KRABD2: variants seen among roughly 807,000 people sequenced by gnomAD.
KRABD2 encodes KRAB domain containing 2.
chr17:8,370,191 TC>T, the KRABD2 span: 2 of 1,612,602 alleles, frequency 1.2e-6, no homozygotes, highest in Non-Finnish European at 1.7e-6. Flanking sequence ...TTCTTTAACT[TC>T]CTTTATTGTT....
chr17:8,372,267 TAAC>T, the KRABD2 span, among the ~76,000 whole-genome samples: 8 of 152,236 alleles, frequency 5.3e-5, no homozygotes, highest in Non-Finnish European at 1.2e-4. The surrounding 1 kb of genome is among the most constrained non-coding windows in gnomAD (Gnocchi z 4.1). Flanking sequence ...ACTAACTTAA[TAAC>T]AACTTTCTTT....
At chr17:8,369,305 T>G in the KRABD2 span, 2 of 1,614,164 alleles carry the variant, frequency 1.2e-6, no homozygotes, top group South Asian at 2.2e-5. Context: ...CTAGCTCTTC[T>G]TCCGTTTGTA....
chr17:8,369,757 C>T, the KRABD2 span: 2 of 1,614,152 alleles, frequency 1.2e-6, no homozygotes, highest in Non-Finnish European at 1.7e-6. Flanking sequence ...GTTGAGTGAT[C>T]CTGGTAGTAT....
chr17:8,371,982 G>A, the KRABD2 span: 1 of 986,400 alleles, frequency 1.0e-6, no homozygotes, highest in Non-Finnish European at 1.2e-6. Flanking sequence ...ATGAGGCCAG[G>A]GGAGTTCACA....
the KRABD2 span, among the ~76,000 whole-genome samples, chr17:8,367,981 G>C: frequency 1.4e-5 from 2 of 146,564 alleles, no homozygotes; most frequent in Non-Finnish European, 3.0e-5. Context: ...AAAAAGTCCT[G>C]GTTGGGTGTG....
At chr17:8,364,748 A>T in the KRABD2 span, among the ~76,000 whole-genome samples, 78 of 152,232 alleles carry the variant, frequency 5.1e-4, no homozygotes, top group Non-Finnish European at 6.6e-4. This position sits in a 1 kb window ranked among gnomAD's most constrained non-coding sequence, Gnocchi z 4.4. Context: ...AAAAAAATTT[A>T]AAATGCCGGG....
At chr17:8,369,790 C>A in the KRABD2 span, 5 of 1,614,058 alleles carry the variant, frequency 3.1e-6, no homozygotes, top group Non-Finnish European at 4.2e-6. Flanking sequence ...AACTCACCAT[C>A]GGCACTGGAC....
the KRABD2 span, among the ~76,000 whole-genome samples, chr17:8,367,359 C>T: frequency 3.3e-5 from 5 of 151,904 alleles, no homozygotes; most frequent in South Asian, 8.3e-4. Context: ...TAGCTGGGTT[C>T]GTGGGGGTGC....
At chr17:8,369,288 G>A in the KRABD2 span, 1 of 1,614,094 alleles carries the variant, frequency 6.2e-7, no homozygotes, top group African/African-American at 1.3e-5. Flanking sequence ...CTGTTCTTCA[G>A]CAATTTCTAG....
At chr17:8,359,645 G>C in the KRABD2 span, 2 of 456,038 alleles carry the variant, frequency 4.4e-6, no homozygotes, top group South Asian at 3.1e-5. Context: ...GGATTTCAGA[G>C]AGGCTCTCTT....
the KRABD2 span, chr17:8,376,697 G>C: frequency 3.0e-6 from 3 of 984,296 alleles, no homozygotes; most frequent in Non-Finnish European, 3.6e-6. Context: ...CCCCCGAGCA[G>C]CAACTCCGCC....
the KRABD2 span, among the ~76,000 whole-genome samples, chr17:8,363,800 C>CATACAT: frequency 8.2e-6 from 1 of 121,422 alleles, no homozygotes; most frequent in African/African-American, 3.3e-5. Flanking sequence ...ATATATCATA[C>CATACAT]ATATATATAT....
At chr17:8,365,065 A>G in the KRABD2 span, among the ~76,000 whole-genome samples, 1 of 152,104 alleles carries the variant, frequency 6.6e-6, no homozygotes, top group African/African-American at 2.4e-5. Context: ...CATTATGTGG[A>G]CAAAATACAT....
At chr17:8,368,047 G>A in the KRABD2 span, among the ~76,000 whole-genome samples, 3 of 149,652 alleles carry the variant, frequency 2.0e-5, no homozygotes, top group East Asian at 1.9e-4. Context: ...GGGCCCAGGA[G>A]TTTGAGACCA....
chr17:8,359,559 T>C, the KRABD2 span: 6 of 455,858 alleles, frequency 1.3e-5, no homozygotes, highest in Non-Finnish European at 2.6e-5. Flanking sequence ...AAATGTCCAA[T>C]GAATGAGTGA....
the KRABD2 span, among the ~76,000 whole-genome samples, chr17:8,360,102 C>A: frequency 6.6e-6 from 1 of 152,100 alleles, no homozygotes; most frequent in African/African-American, 2.4e-5. Flanking sequence ...AGAACTCCTA[C>A]GCCAAAGTTC....
chr17:8,367,931 T>TA, the KRABD2 span, among the ~76,000 whole-genome samples: 117 of 43,908 alleles, frequency 2.7e-3, no homozygotes, highest in Non-Finnish European at 2.7e-3. Context: ...AATGATCAAT[T>TA]AAAAAAAAAA....
At chr17:8,359,983 A>G in the KRABD2 span, 1 of 385,536 alleles carries the variant, frequency 2.6e-6, no homozygotes, top group Non-Finnish European at 5.2e-6. Context: ...TGAATGACTC[A>G]CCAAAGTTAG....
chr17:8,376,632 GGAA>G, the KRABD2 span: 1 of 985,742 alleles, frequency 1.0e-6, no homozygotes, highest in South Asian at 4.7e-5. Context: ...AGGAAGGTCA[GGAA>G]GGAGAAAGGG....
Sources: gnomAD v4.1 joint callset for allele counts (sites outside exome capture counted in the v4.1 genomes callset) on GRCh38, gnomAD v4.1.1 for gene constraint, Gnocchi (gnomAD v3.1) non-coding constraint, MANE v1.5 for transcripts, NCBI Gene and HGNC (gene_info 2026-07-23, HGNC 2026-07-21) for gene names.